VGLL4: variants seen among roughly 807,000 people sequenced by gnomAD.
The protein encoded by VGLL4 is transcription cofactor vestigial-like protein 4.
VGLL4 carries 7 observed loss-of-function variants against 21.0 expected under a neutral mutation model. That is an observed-to-expected ratio of 0.33 (90% CI 0.19 to 0.63). The LOEUF (loss-of-function observed/expected upper bound fraction) is 0.63, where lower values mean the gene tolerates loss of function less well. VGLL4 is among the 20% of genes least tolerant of loss of function. VGLL4 has a pLI of 0.78. For missense variants in VGLL4, 394 were observed against 425.7 expected (o/e 0.93, Z 0.66); for synonymous variants, 222 against 173.2 (o/e 1.28, Z -2.21).
chr3:11,684,449 T>C (rs2076416623), intron 2 of VGLL4, among the ~76,000 whole-genome samples: 1 of 152,070 alleles, frequency 6.6e-6, no homozygotes. Flanking sequence ...GGCATGATCA[T>C]GGCTCACTGC....
At position 11,568,768 on chromosome 3, in the gene VGLL4, C is replaced by T. The variant is rs114369367; in HGVS notation, c.273-3749G>A. 8.6e-4 allele frequency: 1,289 copies of T among 1,497,054 alleles called. 17 individuals are homozygous for T. The African/African-American group carries it at 0.016, about 18-fold the overall frequency. 92.7% of individuals were successfully genotyped at this position (1,497,054 alleles called of 1,614,324 possible). On this transcript the variant is annotated intron_variant, in intron 2 of 4. Transcript: ENST00000430365. This position sits in a 1 kb window ranked among gnomAD's most constrained non-coding sequence, Gnocchi z 5.9. ...ATCCTGCCCGGGAGATGGAAGTCGC[C>T]TCCGCTCCTGGTCAGGACTGTGCCC...
intron 2 of VGLL4, among the ~76,000 whole-genome samples, chr3:11,588,414 G>A (rs1171440339): frequency 1.3e-5 from 2 of 152,260 alleles, no homozygotes; most frequent in African/African-American, 4.8e-5. Context: ...TGAAGTGAGT[G>A]TGCAGGCCCC....
chr3:11,592,856 A>T (rs989884821), intron 2 of VGLL4, among the ~76,000 whole-genome samples: 7 of 152,194 alleles, frequency 4.6e-5, no homozygotes, highest in African/African-American at 1.4e-4. Flanking sequence ...GATCGTGCCC[A>T]TGAAGCACGC....
chr3:11,597,866 CAAAA>C (rs1332505142), intron 2 of VGLL4, among the ~76,000 whole-genome samples: 1 of 151,978 alleles, frequency 6.6e-6, no homozygotes, highest in Non-Finnish European at 1.5e-5. Context: ...ACAATATCAA[CAAAA>C]AAATTAATAA....
At chr3:11,576,138 G>A (rs779486887) in intron 2 of VGLL4, among the ~76,000 whole-genome samples, 5 of 152,312 alleles carry the variant, frequency 3.3e-5, no homozygotes, top group South Asian at 2.1e-4. Context: ...CTGCCCCCAC[G>A]TTAGCAACTG....
chr3:11,584,573 A>G (rs1161399900), intron 2 of VGLL4, among the ~76,000 whole-genome samples: 2 of 152,182 alleles, frequency 1.3e-5, no homozygotes, highest in Admixed American at 6.5e-5. Context: ...CACTTCTATA[A>G]AAGTGGGAAT....
intron 2 of VGLL4, among the ~76,000 whole-genome samples, chr3:11,659,042 A>G (rs533888819): frequency 3.9e-5 from 6 of 152,304 alleles, no homozygotes; most frequent in Non-Finnish European, 8.8e-5. Flanking sequence ...CCCAATATAT[A>G]TACAATTTCC....
intron 1 of VGLL4, among the ~76,000 whole-genome samples, chr3:11,711,935 T>G (rs1559958973): frequency 6.6e-6 from 1 of 152,138 alleles, no homozygotes; most frequent in Non-Finnish European, 1.5e-5. Context: ...GGTGGCGACA[T>G]GCAAGCACAG....
rs138862053 is a variant in VGLL4, at chr3:11,683,158, C to A, written c.64+19813G>T. On this transcript the variant is annotated intron_variant, in intron 2 of 5. Transcript: ENST00000273038. The stretch of plus-strand genomic sequence containing the variant: ...AGGAGAATTGCTTGAACCTGGGAAG[C>A]GGAGGTTGCAGTGAGCCGAGATCAC... Among the ~76,000 whole-genome samples, 1,469 of 151,468 alleles carry A rather than the reference C, an allele frequency of 9.7e-3. 21 individuals are homozygous for A. Among genetic ancestry groups the A allele is most frequent in the African/African-American group, 0.033 (1,380 of 41,210 alleles).
chr3:11,653,641 T>C lies in VGLL4; in HGVS notation c.64+49330A>G, dbSNP rs112083817. The stretch of plus-strand genomic sequence containing the variant: ...CCTCGGAATGCATTTCTGTCGCACA[T>C]GTACTCAGAAGCAGATACGCAGAAA... On this transcript the variant is annotated intron_variant, in intron 2 of 5. Coordinates refer to the VGLL4 transcript ENST00000273038. The surrounding 1 kb of genome is among the most constrained non-coding windows in gnomAD (Gnocchi z 4.2). 2.3e-3 allele frequency among the ~76,000 whole-genome samples: 355 copies of C among 152,328 alleles called. 1 individual carries two copies. Among genetic ancestry groups the C allele is most frequent in the Middle Eastern group, 0.01 (3 of 294 alleles).
At chr3:11,581,925 A>G (rs557783017) in intron 2 of VGLL4, among the ~76,000 whole-genome samples, 1 of 152,358 alleles carries the variant, frequency 6.6e-6, no homozygotes, top group East Asian at 1.9e-4. Flanking sequence ...CATGACAGCC[A>G]TCACCTGAAA....
intron 2 of VGLL4, among the ~76,000 whole-genome samples, chr3:11,583,060 G>A (rs141938229): frequency 4.6e-5 from 7 of 152,290 alleles, no homozygotes; most frequent in East Asian, 1.9e-4. Flanking sequence ...CAAGTAGCCC[G>A]GAGAAGTGAA....
chr3:11,704,351 C>T (rs2076727141), intron 1 of VGLL4, among the ~76,000 whole-genome samples: 1 of 138,260 alleles, frequency 7.2e-6, no homozygotes, highest in Non-Finnish European at 1.5e-5. Context: ...CCATTGCACT[C>T]CAGCCTGGGC....
chr3:11,603,053 G>A (rs189762219), intron 1 of VGLL4, among the ~76,000 whole-genome samples: 3 of 152,096 alleles, frequency 2.0e-5, no homozygotes, highest in East Asian at 1.9e-4. Context: ...AACTTCATCC[G>A]AGGCCTTGTG....
intron 1 of VGLL4, among the ~76,000 whole-genome samples, chr3:11,637,314 C>G (rs2075607493): frequency 6.6e-6 from 1 of 152,084 alleles, no homozygotes; most frequent in Non-Finnish European, 1.5e-5. Context: ...AGAGATCGAT[C>G]CCTAATACAT....
At chr3:11,630,264 T>C (rs2075447526) in intron 1 of VGLL4, among the ~76,000 whole-genome samples, 1 of 152,192 alleles carries the variant, frequency 6.6e-6, no homozygotes, top group Non-Finnish European at 1.5e-5. Flanking sequence ...AATTACAAGT[T>C]AACAATGAGC....
chr3:11,597,743 T>C (rs1239979768), intron 2 of VGLL4, among the ~76,000 whole-genome samples: 4 of 152,200 alleles, frequency 2.6e-5, no homozygotes, highest in African/African-American at 9.7e-5. Flanking sequence ...CCCCATCTCC[T>C]GGACTGTAGC....
At chr3:11,671,189 A>G (rs913134817) in intron 2 of VGLL4, 3 of 1,487,936 alleles carry the variant, frequency 2.0e-6, no homozygotes, top group Admixed American at 1.9e-5. Flanking sequence ...TTGCAATACT[A>G]TTTTGCAAAT....
At chr3:11,678,129 A>G (rs1398657221) in intron 2 of VGLL4, among the ~76,000 whole-genome samples, 1 of 151,918 alleles carries the variant, frequency 6.6e-6, no homozygotes, top group Non-Finnish European at 1.5e-5. Context: ...TCTCAGCTCA[A>G]TGCAACCTCC....
Sources: gnomAD v4.1 joint callset for allele counts (sites outside exome capture counted in the v4.1 genomes callset) on GRCh38, gnomAD v4.1.1 for gene constraint, Gnocchi (gnomAD v3.1) non-coding constraint, MANE v1.5 for transcripts, NCBI Gene and HGNC (gene_info 2026-07-23, HGNC 2026-07-21) for gene names.